MYLK4: variants seen among roughly 807,000 people sequenced by gnomAD.
MYLK4 encodes the protein myosin light chain kinase family member 4.
Under a neutral mutation model 48.1 loss-of-function variants are expected in MYLK4, and 46 were observed. The observed-to-expected ratio is 0.96, with a 90% CI of 0.75 to 1.22. The LOEUF (loss-of-function observed/expected upper bound fraction) is 1.22. Ranked by LOEUF, MYLK4 falls within the 50% of genes most tolerant of loss-of-function variation. MYLK4 has a pLI of 0.00. For missense variants in MYLK4, 451 were observed against 486.1 expected, an observed-to-expected ratio of 0.93 and a Z score of 0.68; for synonymous variants, 170 against 180.8, an observed-to-expected ratio of 0.94 and a Z score of 0.48.
chr6:2,678,145 C>T (rs1018377738), intron 10 of MYLK4, 75 bp downstream of exon 10: 76 of 1,525,486 alleles, frequency 5.0e-5, no homozygotes, highest in East Asian at 6.8e-5. Context: ...AGAATAAATT[C>T]GAACAGCCCT....
At position 2,742,038 on chromosome 6, in the gene MYLK4, T is replaced by C. The variant is rs138265686; in HGVS notation, c.159+7098A>G. On this transcript the variant is annotated intron_variant, in intron 2 of 12. Transcript: ENST00000274643. ...CCTAAAAACACAGACTTAACTATGA[T>C]GTTAGGTCAGACCTAAAGAGAATTA... Among the ~76,000 whole-genome samples the C allele has an allele frequency of 1.3e-3, 204 of 152,326 alleles. 2 individuals are homozygous for C. The East Asian group carries it at 0.033, about 25-fold the overall frequency.
At chr6:2,723,555 C>A (rs184489974) in intron 2 of MYLK4, among the ~76,000 whole-genome samples, 11 of 152,382 alleles carry the variant, frequency 7.2e-5, no homozygotes, top group African/African-American at 2.6e-4. Flanking sequence ...CGCTGGCACC[C>A]CAGGGTCTGC....
At position 2,683,177 on chromosome 6, in the gene MYLK4, G is replaced by T. The variant is rs528012689; in HGVS notation, c.546-15C>A. On this transcript the variant is annotated splice_polypyrimidine_tract_variant and intron_variant, in intron 6 of 12. Transcript: ENST00000274643. The stretch of plus-strand genomic sequence containing the variant: ...CACCATCCACACTGCAGAGGGAAGA[G>T]GACTGAAACCCTCAGTCCCGATTTC... 6.8e-6 allele frequency: 11 copies of T among 1,613,884 alleles called. No individual in the cohort carries two copies. The highest frequency in any genetic ancestry group is 9.3e-6 in the Non-Finnish European group (11 of 1,179,954).
intron 2 of MYLK4, among the ~76,000 whole-genome samples, chr6:2,730,387 G>A (rs1194371911): frequency 1.3e-5 from 2 of 152,230 alleles, no homozygotes; most frequent in African/African-American, 4.8e-5. Context: ...ACAGGGGCAA[G>A]TGGTTGAACC....
At position 2,664,095 on chromosome 6, in the gene MYLK4, C is replaced by G. The variant is rs1760548005; in HGVS notation, c.*3830G>C. The G allele has an allele frequency of 6.6e-6, 1 of 152,254 alleles. No homozygotes were observed. The highest frequency in any genetic ancestry group is 1.5e-5 in the Non-Finnish European group (1 of 68,054). The allele number at this position is 152,254 out of a possible 1,614,324, so 9.4% of individuals were successfully genotyped here. ...TCATCTTAATCCAGGAACCCAATAT[C>G]TAATAAATCCAGCACCCACTTCCCT... On this transcript the variant is annotated 3_prime_UTR_variant, in exon 13 of 13. Coordinates refer to ENST00000274643, the MANE Select transcript of MYLK4 (RefSeq NM_001012418.5).
chr6:2,692,000 C>A (rs1453927006), intron 3 of MYLK4, among the ~76,000 whole-genome samples: 1 of 152,192 alleles, frequency 6.6e-6, no homozygotes, highest in African/African-American at 2.4e-5. Context: ...AATTGGTCAC[C>A]ATTAGTTTGA....
chr6:2,665,931 G>T lies in MYLK4; in HGVS notation c.*1994C>A, dbSNP rs868501740. 3.2e-5 allele frequency: 2 copies of T among 62,592 alleles called. No individual in the cohort carries two copies. Among genetic ancestry groups the T allele is most frequent in the African/African-American group, 1.2e-4 (2 of 17,046 alleles). The allele number at this position is 62,592 out of a possible 1,614,324, so 3.9% of individuals were successfully genotyped here. ...GGGTTTTGTGTGTGTGTGTGTGTGT[G>T]GTGTGTGTGTTTTAAGCAAACTAAA... On this transcript the variant is annotated 3_prime_UTR_variant, in exon 13 of 13. Transcript: ENST00000274643.
intron 2 of MYLK4, among the ~76,000 whole-genome samples, chr6:2,722,897 C>G (rs950581967): frequency 7.2e-5 from 11 of 151,914 alleles, no homozygotes; most frequent in African/African-American, 2.7e-4. Context: ...ATGAATTGCC[C>G]CAATTCTTAG....
At chr6:2,699,442 T>C (rs1454043347) in intron 2 of MYLK4, among the ~76,000 whole-genome samples, 1 of 141,984 alleles carries the variant, frequency 7.0e-6, no homozygotes, top group Non-Finnish European at 1.5e-5. Context: ...AGGTGCCCCC[T>C]ACCACACCTG....
intron 12 of MYLK4, among the ~76,000 whole-genome samples, chr6:2,670,833 A>G (rs1474974287): frequency 3.3e-5 from 5 of 152,096 alleles, no homozygotes; most frequent in East Asian, 1.9e-4. Flanking sequence ...TACAAGCTGC[A>G]TGGCCGTGGG....
At chr6:2,768,252 G>T in the MYLK4 span, among the ~76,000 whole-genome samples, 1 of 152,166 alleles carries the variant, frequency 6.6e-6, no homozygotes, top group Admixed American at 6.5e-5. Flanking sequence ...GCTGTCCTGA[G>T]CTTCCAGTTC....
intron 2 of MYLK4, among the ~76,000 whole-genome samples, chr6:2,709,684 T>C (rs1762605838): frequency 6.6e-6 from 1 of 152,248 alleles, no homozygotes; most frequent in Admixed American, 6.5e-5. Flanking sequence ...TTGAATTGAG[T>C]TGAGAACAAT....
chr6:2,736,220 C>T lies in MYLK4; in HGVS notation c.159+12916G>A, dbSNP rs568131568. Among the ~76,000 whole-genome samples the T allele has an allele frequency of 1.4e-4, 22 of 152,300 alleles. 1 individual carries two copies. In the South Asian group the frequency reaches 3.3e-3, roughly 23 times the overall value. On this transcript the variant is annotated intron_variant, in intron 2 of 12. Transcript: ENST00000274643. Reference sequence around the variant, plus strand: ...AAGTTAACATTTATTACATGCTTCCCGTGTGCTTGCTTTAAAATATTTGTT... The same window carrying T: ...AAGTTAACATTTATTACATGCTTCCTGTGTGCTTGCTTTAAAATATTTGTT...
At chr6:2,696,940 G>T (rs1220148819) in intron 2 of MYLK4, among the ~76,000 whole-genome samples, 2 of 152,112 alleles carry the variant, frequency 1.3e-5, no homozygotes, top group African/African-American at 4.8e-5. Context: ...CACACCTGTA[G>T]TCCCAGCTAT....
chr6:2,768,819 C>G, the MYLK4 span: 1 of 1,613,688 alleles, frequency 6.2e-7, no homozygotes, highest in African/African-American at 1.3e-5. Context: ...ATGAAAAGAG[C>G]TTTTTCAAAA....
intron 2 of MYLK4, among the ~76,000 whole-genome samples, chr6:2,724,719 G>A (rs1440864166): frequency 6.6e-6 from 1 of 152,182 alleles, no homozygotes; most frequent in Non-Finnish European, 1.5e-5. Flanking sequence ...AGCCCGGTCT[G>A]TCTCTGAATA....
At chr6:2,690,089 C>T (rs1328568005) in intron 3 of MYLK4, among the ~76,000 whole-genome samples, 6 of 152,182 alleles carry the variant, frequency 3.9e-5, no homozygotes, top group African/African-American at 1.4e-4. Context: ...GTCTGTAATG[C>T]TTGCTGGAGA....
At chr6:2,669,072 T>TAA (rs145455007) in intron 12 of MYLK4, among the ~76,000 whole-genome samples, 19 of 148,712 alleles carry the variant, frequency 1.3e-4, no homozygotes, top group East Asian at 5.9e-4. Context: ...TGTCTCTAAT[T>TAA]AAAAAAAAAA....
At chr6:2,747,295 C>T (rs910038430) in intron 2 of MYLK4, among the ~76,000 whole-genome samples, 2 of 152,106 alleles carry the variant, frequency 1.3e-5, no homozygotes, top group African/African-American at 4.8e-5. Context: ...GTTGGCTGCA[C>T]AAAAGTAACA....
Sources: gnomAD v4.1 joint callset for allele counts (sites outside exome capture counted in the v4.1 genomes callset) on GRCh38, gnomAD v4.1.1 for gene constraint, MANE v1.5 for transcripts, NCBI Gene and HGNC (gene_info 2026-07-23, HGNC 2026-07-21) for gene names.